FKBP15: variants seen among roughly 807,000 people sequenced by gnomAD.
FKBP15 encodes FK506-binding protein 15.
A neutral mutation model predicts 158.1 loss-of-function variants in FKBP15; 106 were observed. The ratio of observed to expected loss-of-function variants is 0.67; its 90% CI spans 0.57 to 0.79. The LOEUF (loss-of-function observed/expected upper bound fraction) is 0.79, where lower values mean the gene tolerates loss of function less well. FKBP15 is among the 30% of genes least tolerant of loss of function. The probability of loss-of-function intolerance (pLI) is 0.00; values close to 1 mark genes in which losing one functional copy is unlikely to be tolerated. For missense variants in FKBP15, 1,287 were observed against 1,479.1 expected (o/e 0.87, Z 2.13); for synonymous variants, 547 against 548.6 (o/e 1.00, Z 0.04).
chr9:113,218,377 T>TTATATATATGTA (rs1831184548), intron 1 of FKBP15, among the ~76,000 whole-genome samples: 2 of 101,504 alleles, frequency 2.0e-5, no homozygotes, highest in Non-Finnish European at 4.0e-5. Flanking sequence ...GTAAATACAA[T>TTATATATATGTA]TATATATATA....
At chr9:113,173,258 T>C (rs1020309605) in intron 23 of FKBP15, among the ~76,000 whole-genome samples, 195 bp downstream of exon 23, 1 of 152,234 alleles carries the variant, frequency 6.6e-6, no homozygotes, top group Non-Finnish European at 1.5e-5. Context: ...CTAGTGCTGT[T>C]TTCTCTTTTT....
At chr9:113,211,653 A>C in intron 1 of FKBP15, 61 bp from the exon 2 acceptor site, 1 of 1,275,468 alleles carries the variant, frequency 7.8e-7, no homozygotes, top group South Asian at 1.3e-5. Context: ...GAATTATTAT[A>C]AAAGCTGCTC....
Position 113,198,871 on chromosome 9 carries a change from G to A in FKBP15, c.701C>T (p.Ser234Leu). ...KDKLLRLKLG[S>L]GKVIKGWEDG... ...AGCCTTTACCTTGATGACTTTTCCT[G>A]ATCCTAACTTCAAGCGAAGCAACTT... is the stretch of plus-strand genomic sequence containing the variant. Residue 234 changes from serine to leucine, a missense_variant, in exon 8 of 28, where the codon TCA becomes TTA. Ser to Leu is a moderately radical substitution (Grantham distance 145). Transcript: ENST00000238256. The surrounding 1 kb of genome is among the most constrained non-coding windows in gnomAD (Gnocchi z 5.2). 1 of 1,604,224 alleles carries A rather than the reference G, an allele frequency of 6.2e-7. No homozygotes were observed. The highest frequency in any genetic ancestry group is 8.5e-7 in the Non-Finnish European group (1 of 1,174,882).
Position 113,162,196 on chromosome 9 carries a change from C to T in FKBP15, c.*3882G>A, listed in dbSNP as rs1054770046. The T allele has an allele frequency of 7.0e-6, 2 of 285,478 alleles. No homozygotes were observed. The highest frequency in any genetic ancestry group is 4.6e-5 in the African/African-American group (2 of 43,362). 17.7% of individuals were successfully genotyped at this position (285,478 alleles called of 1,614,324 possible). A position where few individuals can be genotyped will look rare whatever the true frequency, so the allele number is the denominator to read the frequency against. ...CCAGCCTCACCTGTGCTTAATAAGC[C>T]TGCCCGCTCCATCACTAGCCACCCT... On this transcript the variant is annotated 3_prime_UTR_variant, in exon 28 of 28. Transcript: ENST00000238256.
Position 113,162,726 on chromosome 9 carries a change from ACTTG to A in FKBP15, c.*3348_*3351del, listed in dbSNP as rs772062600. On this transcript the variant is annotated 3_prime_UTR_variant, in exon 28 of 28. Coordinates refer to ENST00000238256, the MANE Select transcript of FKBP15 (RefSeq NM_015258.2). ...CATTACCAGCTCATTACCAGGATTAACTTGCTTCTCCTTTTTATCTAGGTGGTAT... is the reference window on the plus strand; with the variant it reads ...CATTACCAGCTCATTACCAGGATTAACTTCTCCTTTTTATCTAGGTGGTAT... 14 of 1,599,176 alleles carry A rather than the reference ACTTG, an allele frequency of 8.8e-6. No homozygotes were observed. Among genetic ancestry groups the A allele is most frequent in the Non-Finnish European group, 6.0e-6 (7 of 1,171,522 alleles).
intron 27 of FKBP15, among the ~76,000 whole-genome samples, chr9:113,166,603 C>T (rs1219235637): frequency 6.6e-6 from 1 of 152,168 alleles, no homozygotes; most frequent in Non-Finnish European, 1.5e-5. Context: ...ATACTGTCGT[C>T]GTGGCCTAAG....
intron 19 of FKBP15, among the ~76,000 whole-genome samples, chr9:113,181,037 G>A (rs776845444): frequency 4.6e-5 from 7 of 152,156 alleles, no homozygotes; most frequent in Non-Finnish European, 1.0e-4. Flanking sequence ...GGCTCAAAAA[G>A]TTTCATTGAA....
intron 1 of FKBP15, among the ~76,000 whole-genome samples, chr9:113,216,083 G>GAAAAAA (rs71491081): frequency 0.12 from 10,683 of 85,566 alleles, 695 homozygotes; most frequent in Non-Finnish European, 0.16. Context: ...TTTATTTTGT[G>GAAAAAA]AAAAAAAAAA....
Position 113,202,942 on chromosome 9 carries a change from C to A in FKBP15, c.399+19G>T. ...CCTATCCCGAAGGAGCTAATGATTCCAATATGATGAAGTCTTACCATTAGC... is the reference window on the plus strand; with the variant it reads ...CCTATCCCGAAGGAGCTAATGATTCAAATATGATGAAGTCTTACCATTAGC... On this transcript the variant is annotated intron_variant, in intron 5 of 27. Transcript: ENST00000238256. 1 of 1,593,078 alleles carries A rather than the reference C, an allele frequency of 6.3e-7. No individual in the cohort carries two copies. The highest frequency in any genetic ancestry group is 1.1e-5 in the South Asian group (1 of 89,828).
At chr9:113,174,020 G>A (rs933245344) in intron 22 of FKBP15, among the ~76,000 whole-genome samples, 5 of 152,134 alleles carry the variant, frequency 3.3e-5, no homozygotes, top group African/African-American at 4.8e-5. Flanking sequence ...AAAGGTTGCT[G>A]TTGCACAGAC....
At chr9:113,190,263 T>C (rs1830552613) in intron 12 of FKBP15, among the ~76,000 whole-genome samples, 1 of 152,196 alleles carries the variant, frequency 6.6e-6, no homozygotes, top group African/African-American at 2.4e-5. Flanking sequence ...CCAGTTCTTG[T>C]AAAAGATCTA....
At chr9:113,167,450 A>C (rs1464091048) in intron 27 of FKBP15, among the ~76,000 whole-genome samples, 1 of 152,170 alleles carries the variant, frequency 6.6e-6, no homozygotes, top group African/African-American at 2.4e-5. Context: ...TTAAGGGCAG[A>C]ATTGCTATTC....
chr9:113,206,370 G>T, intron 4 of FKBP15, 139 bp downstream of exon 4: 1 of 643,304 alleles, frequency 1.6e-6, no homozygotes, highest in Non-Finnish European at 2.7e-6. Context: ...CTATATGCTT[G>T]ATGTTATAAA....
intron 6 of FKBP15, among the ~76,000 whole-genome samples, chr9:113,200,391 T>C (rs548017106): frequency 2.6e-5 from 4 of 152,148 alleles, no homozygotes; most frequent in Non-Finnish European, 4.4e-5. Flanking sequence ...TTTGGGAACC[T>C]AGGAAAGAAA....
At chr9:113,199,717 T>A in intron 7 of FKBP15, 97 bp downstream of exon 7, 1 of 1,276,712 alleles carries the variant, frequency 7.8e-7, no homozygotes, top group South Asian at 1.6e-5. Flanking sequence ...TATTTCTATT[T>A]GACAACAGCA....
intron 26 of FKBP15, among the ~76,000 whole-genome samples, chr9:113,168,908 C>T (rs537233875): frequency 1.5e-4 from 23 of 152,244 alleles, no homozygotes; most frequent in South Asian, 4.1e-4. Flanking sequence ...TTTGTTTTCT[C>T]CACTTGACTG....
intron 19 of FKBP15, among the ~76,000 whole-genome samples, chr9:113,182,183 T>A (rs1445913743): frequency 6.6e-6 from 1 of 152,000 alleles, no homozygotes; most frequent in African/African-American, 2.4e-5. Flanking sequence ...AGACAGTAGA[T>A]GAAAAAGTCA....
intron 1 of FKBP15, 123 bp from the exon 2 acceptor site, chr9:113,211,715 T>C: frequency 1.9e-6 from 1 of 520,112 alleles, no homozygotes. Flanking sequence ...CATTCAATAC[T>C]AGAAACACTT....
intron 1 of FKBP15, among the ~76,000 whole-genome samples, chr9:113,219,382 T>C (rs1205807231): frequency 6.6e-6 from 1 of 152,238 alleles, no homozygotes; most frequent in Non-Finnish European, 1.5e-5. Flanking sequence ...CAGTATTCAC[T>C]GTCATATGTT....
Sources: gnomAD v4.1 joint callset for allele counts (sites outside exome capture counted in the v4.1 genomes callset) on GRCh38, gnomAD v4.1.1 for gene constraint, Gnocchi (gnomAD v3.1) non-coding constraint, MANE v1.5 for transcripts, NCBI Gene and HGNC (gene_info 2026-07-23, HGNC 2026-07-21) for gene names.